KCND2: variants seen among roughly 807,000 people sequenced by gnomAD.
KCND2 encodes the protein potassium voltage-gated channel subfamily D member 2.
Under a neutral mutation model 54.4 loss-of-function variants are expected in KCND2, and 16 were observed. The observed-to-expected ratio is 0.29, with a 90% confidence interval of 0.20 to 0.45. The LOEUF (loss-of-function observed/expected upper bound fraction) is 0.45, where lower values mean the gene tolerates loss of function less well. Ranked by LOEUF, KCND2 falls within the 20% of genes least tolerant of loss-of-function variation. The pLI is 1.00. For synonymous variants in KCND2, 317 were observed against 310.7 expected (o/e 1.02, Z -0.21); for missense variants, 486 against 824.2 (o/e 0.59, Z 5.02).
At chr7:120,558,112 T>A (rs969527861) in intron 1 of KCND2, among the ~76,000 whole-genome samples, 1 of 152,184 alleles carries the variant, frequency 6.6e-6, no homozygotes, top group Admixed American at 6.5e-5. Context: ...TTCAGAGACC[T>A]TTCAAAATTG....
intron 1 of KCND2, among the ~76,000 whole-genome samples, chr7:120,279,694 G>A (rs1334075829): frequency 6.6e-6 from 1 of 151,684 alleles, no homozygotes; most frequent in African/African-American, 2.4e-5. Flanking sequence ...ACTATTTTAA[G>A]GAACAACAAA....
chr7:120,654,607 A>G (rs1018380596), intron 1 of KCND2, among the ~76,000 whole-genome samples: 5 of 152,188 alleles, frequency 3.3e-5, no homozygotes, highest in Non-Finnish European at 7.4e-5. Flanking sequence ...TTATCAAACT[A>G]TTAGATAAAT....
At chr7:120,595,475 A>G (rs567736442) in intron 1 of KCND2, among the ~76,000 whole-genome samples, 11 of 121,904 alleles carry the variant, frequency 9.0e-5, no homozygotes, top group Non-Finnish European at 1.6e-4. Context: ...ATATATATAT[A>G]TATATGTGTA....
At chr7:120,511,955 T>C (rs1803122234) in intron 1 of KCND2, among the ~76,000 whole-genome samples, 1 of 152,146 alleles carries the variant, frequency 6.6e-6, no homozygotes, top group Admixed American at 6.6e-5. Flanking sequence ...TCTCCAGTTA[T>C]GCTTCCTTTT....
chr7:120,586,665 T>C (rs1464337242), intron 1 of KCND2, among the ~76,000 whole-genome samples: 1 of 152,198 alleles, frequency 6.6e-6, no homozygotes, highest in African/African-American at 2.4e-5. Context: ...ATTTTATTGT[T>C]AAGATTTTCA....
intron 1 of KCND2, among the ~76,000 whole-genome samples, chr7:120,404,491 G>A (rs1237130618): frequency 6.6e-6 from 1 of 152,070 alleles, no homozygotes; most frequent in Non-Finnish European, 1.5e-5. Context: ...ATACTGTAAA[G>A]CAAGGAAAAT....
intron 1 of KCND2, among the ~76,000 whole-genome samples, chr7:120,564,341 C>A (rs1017405467): frequency 6.6e-6 from 1 of 152,092 alleles, no homozygotes; most frequent in Admixed American, 6.6e-5. Context: ...GCTTTCCTAT[C>A]CACATTTTGA....
At chr7:120,275,789 G>A (rs1288485427) in intron 1 of KCND2, 42 bp downstream of exon 1, 1 of 1,593,548 alleles carries the variant, frequency 6.3e-7, no homozygotes, top group Admixed American at 1.7e-5. Context: ...TTGGGTATGG[G>A]TGAGGCGATT....
intron 1 of KCND2, among the ~76,000 whole-genome samples, chr7:120,282,989 A>G (rs1799287905): frequency 6.6e-6 from 1 of 152,216 alleles, no homozygotes; most frequent in South Asian, 2.1e-4. Context: ...CCACGTAGAG[A>G]TGAGTGCTAT....
chr7:120,373,416 A>G (rs1434948212), intron 1 of KCND2, among the ~76,000 whole-genome samples: 3 of 151,932 alleles, frequency 2.0e-5, no homozygotes, highest in Non-Finnish European at 4.4e-5. Context: ...GCAGGAAACT[A>G]TAAGAAGTGA....
chr7:120,702,940 T>TA (rs939638537), intron 1 of KCND2, among the ~76,000 whole-genome samples: 16 of 152,064 alleles, frequency 1.1e-4, no homozygotes, highest in African/African-American at 2.9e-4. Flanking sequence ...AAATAAAAGT[T>TA]AAAAAAATCA....
intron 1 of KCND2, among the ~76,000 whole-genome samples, chr7:120,586,170 C>T (rs569954596): frequency 2.2e-4 from 33 of 151,942 alleles, no homozygotes; most frequent in African/African-American, 7.7e-4. Flanking sequence ...CACACAGACA[C>T]ACACACACAC....
At chr7:120,497,811 C>T (rs1411908390) in intron 1 of KCND2, among the ~76,000 whole-genome samples, 1 of 152,144 alleles carries the variant, frequency 6.6e-6, no homozygotes, top group East Asian at 1.9e-4. Flanking sequence ...CATGGTCACA[C>T]AACACAAAAC....
chr7:120,604,357 AAG>A (rs1792852254), intron 1 of KCND2, among the ~76,000 whole-genome samples: 1 of 147,094 alleles, frequency 6.8e-6, no homozygotes, highest in South Asian at 2.1e-4. Flanking sequence ...AAAAAAAAAA[AAG>A]GAAGTAGCTG....
intron 1 of KCND2, among the ~76,000 whole-genome samples, chr7:120,335,295 A>G (rs935204825): frequency 6.8e-6 from 1 of 147,726 alleles, no homozygotes; most frequent in Admixed American, 6.8e-5. Flanking sequence ...CCCAGGAGGC[A>G]GAGGTTGCAG....
chr7:120,288,389 T>G (rs1212354317), intron 1 of KCND2, among the ~76,000 whole-genome samples: 1 of 152,150 alleles, frequency 6.6e-6, no homozygotes, highest in Non-Finnish European at 1.5e-5. Flanking sequence ...CCAAAGAAGA[T>G]AATTTTTAAT....
chr7:120,470,308 A>C (rs1318862759), intron 1 of KCND2, among the ~76,000 whole-genome samples: 1 of 152,122 alleles, frequency 6.6e-6, no homozygotes, highest in Non-Finnish European at 1.5e-5. Context: ...GTTGTACACC[A>C]ATGAATGTTT....
chr7:120,383,692 C>T (rs1800944720), intron 1 of KCND2, among the ~76,000 whole-genome samples: 1 of 152,056 alleles, frequency 6.6e-6, no homozygotes, highest in Non-Finnish European at 1.5e-5. Flanking sequence ...GTATACACCT[C>T]CCCACACATG....
Position 120,652,083 on chromosome 7 carries a change from C to CT in KCND2, c.1116-80809dup, listed in dbSNP as rs375071156. Among the ~76,000 whole-genome samples, 431 of 146,306 alleles carry CT rather than the reference C, an allele frequency of 2.9e-3. 2 individuals are homozygous for CT. Among genetic ancestry groups the CT allele is most frequent in the Middle Eastern group, 3.6e-3 (1 of 278 alleles). On this transcript the variant is annotated intron_variant, in intron 1 of 5. Coordinates refer to ENST00000331113, the MANE Select transcript of KCND2 (RefSeq NM_012281.3). ...CAGTCTATCTCTATCTTTTTTTTTC[C>CT]TTTTTTTTTTTGAGATGGAGTCTTG...
Sources: allele counts gnomAD v4.1 joint callset (sites outside exome capture counted in the v4.1 genomes callset), GRCh38; gene constraint gnomAD v4.1.1; transcripts MANE v1.5; gene names NCBI Gene and HGNC (gene_info 2026-07-23, HGNC 2026-07-21).